Variants in MFAP5 observed in about 807,000 individuals in gnomAD.
MFAP5 encodes the protein microfibrillar-associated protein 5.
A neutral mutation model predicts 30.1 loss-of-function variants in MFAP5; 19 were observed. The observed-to-expected ratio is 0.63, with a 90% CI of 0.44 to 0.93. The LOEUF (loss-of-function observed/expected upper bound fraction) is 0.93, where lower values mean the gene tolerates loss of function less well. Among genes scored for constraint, MFAP5 ranks in the 40% least tolerant of loss-of-function variants. MFAP5 has a pLI of 0.00. For synonymous variants in MFAP5, 92 were observed against 72.9 expected (o/e 1.26, Z -1.33); for missense variants, 210 against 221.3 (o/e 0.95, Z 0.32).
At chr12:8,659,554 A>G (rs1345767765) in intron 3 of MFAP5, among the ~76,000 whole-genome samples, 2 of 152,182 alleles carry the variant, frequency 1.3e-5, no homozygotes, top group Admixed American at 6.5e-5. Flanking sequence ...TTTTGCTGGT[A>G]CTAAAATCTC....
At chr12:8,656,224 C>G (rs11046594) in intron 3 of MFAP5, among the ~76,000 whole-genome samples, 11 of 151,706 alleles carry the variant, frequency 7.3e-5, no homozygotes, top group Non-Finnish European at 1.0e-4. Context: ...CAGCGCCCGG[C>G]TAATTTTTTG....
intron 6 of MFAP5, among the ~76,000 whole-genome samples, chr12:8,652,640 T>C (rs1203106200): frequency 6.6e-6 from 1 of 152,182 alleles, no homozygotes; most frequent in African/African-American, 2.4e-5. Context: ...ACCTGTGTTA[T>C]GAGATCTCAT....
intron 8 of MFAP5, 107 bp downstream of exon 8, chr12:8,650,395 T>G (rs1005895662): frequency 2.0e-6 from 2 of 1,025,000 alleles, no homozygotes; most frequent in Non-Finnish European, 3.0e-6. Flanking sequence ...GCTAAAAACT[T>G]TGGCCCCATC....
Position 8,662,095 on chromosome 12 carries a change from A to C in MFAP5, c.10T>G (p.Leu4Val). 1 of 1,613,716 alleles carries C rather than the reference A, an allele frequency of 6.2e-7. No individual in the cohort carries two copies. Among genetic ancestry groups the C allele is most frequent in the Non-Finnish European group, 8.5e-7 (1 of 1,180,002 alleles). Residue 4 changes from leucine (L) to valine (V), a missense_variant, in exon 2 of 10, where the codon TTG becomes GTG. Leu to Val is a conservative substitution (Grantham distance 32, BLOSUM62 1). Coordinates refer to ENST00000359478, the MANE Select transcript of MFAP5 (RefSeq NM_003480.4). Reference sequence around the variant, plus strand: ...AGAAACAGCAGCACCTTGGGTCCCAAGAGCGACATATCTATAGGGGTGGTG... The same window carrying C: ...AGAAACAGCAGCACCTTGGGTCCCACGAGCGACATATCTATAGGGGTGGTG... The part of the protein sequence containing the change: MSL[L>V]GPKVLLFLAA...
intron 3 of MFAP5, among the ~76,000 whole-genome samples, chr12:8,656,573 A>AACATATATAT (rs1248213357): frequency 3.1e-5 from 4 of 128,548 alleles, no homozygotes; most frequent in African/African-American, 1.3e-4. Context: ...ATGCCTGGCT[A>AACATATATAT]ATATATATAT....
intron 6 of MFAP5, among the ~76,000 whole-genome samples, chr12:8,653,907 C>G (rs1054571585): frequency 2.0e-5 from 3 of 152,062 alleles, no homozygotes; most frequent in Admixed American, 6.5e-5. Context: ...GGTGGATCAC[C>G]TGAGGTCAAG....
chr12:8,651,673 T>A lies in MFAP5; in HGVS notation c.236A>T (p.Asn79Ile), dbSNP rs139330366. 1,155 of 1,613,516 alleles carry A rather than the reference T, an allele frequency of 7.2e-4. 4 individuals are homozygous for A. The highest frequency in any genetic ancestry group is 8.8e-4 in the Non-Finnish European group (1,038 of 1,179,558). Residue 79 changes from asparagine (N) to isoleucine (I), a missense_variant, in exon 7 of 10, where the codon AAT (asparagine) becomes ATT (isoleucine). Coordinates refer to ENST00000359478, the MANE Select transcript of MFAP5 (RefSeq NM_003480.4). ...TDDLASLSEK[N>I]TTAECWDEKF... The stretch of plus-strand genomic sequence containing the variant: ...AGCAACAATCATACCTGCAGTGGTA[T>A]TTTTTTCACTGAGGGAGGCTGAAAG...
chr12:8,654,225 T>G (rs1941920292), intron 6 of MFAP5: 2 of 475,866 alleles, frequency 4.2e-6, no homozygotes, highest in East Asian at 6.5e-5. Flanking sequence ...ACCCATCAAG[T>G]CTTGAAACTT....
intron 7 of MFAP5, among the ~76,000 whole-genome samples, chr12:8,651,440 T>A (rs1476257828): frequency 2.0e-5 from 3 of 152,176 alleles, no homozygotes; most frequent in African/African-American, 7.2e-5. Flanking sequence ...AGAGGGCTAT[T>A]TGGGGACCAT....
rs11359613 is a variant in MFAP5 at position 8,656,059 on chromosome 12, C to CTTTTTT, written c.95-235_95-230dup. Among the ~76,000 whole-genome samples, 35 of 113,852 alleles carry CTTTTTT rather than the reference C, an allele frequency of 3.1e-4. 1 individual carries two copies. The highest frequency in any genetic ancestry group is 1.1e-3 in the African/African-American group (33 of 30,096). The allele number at this position is 113,852 out of a possible 152,430, so 74.7% of individuals were successfully genotyped here. On this transcript the variant is annotated intron_variant, in intron 3 of 9. Coordinates refer to ENST00000359478, the MANE Select transcript of MFAP5 (RefSeq NM_003480.4). ...CATTGTGATTTTGACATTCATAATTCTTTTTTTTTTTTTTTTTTTGAGACG... is the reference window on the plus strand; with the variant it reads ...CATTGTGATTTTGACATTCATAATTCTTTTTTTTTTTTTTTTTTTTTTTTTGAGACG...
intron 3 of MFAP5, 110 bp downstream of exon 3, chr12:8,660,749 CTTTT>C (rs35362262): frequency 1.7e-3 from 1,072 of 646,292 alleles, no homozygotes; most frequent in South Asian, 3.2e-3. Flanking sequence ...AGGAAATATT[CTTTT>C]TTTTTTTTTT....
At chr12:8,651,607 A>G (rs367986816) in intron 7 of MFAP5, 55 bp downstream of exon 7, 9 of 1,560,652 alleles carry the variant, frequency 5.8e-6, no homozygotes, top group African/African-American at 2.7e-5. Context: ...CAAGGAGGTA[A>G]GGAATCCACA....
intron 6 of MFAP5, among the ~76,000 whole-genome samples, chr12:8,652,445 AAAATAAATAAATAAAT>A (rs56176308): frequency 2.0e-5 from 3 of 147,550 alleles, no homozygotes; most frequent in Non-Finnish European, 3.0e-5. Context: ...ACTCCATCTC[AAAATAAATAAATAAAT>A]AAATAAATAA....
chr12:8,650,405 C>T, intron 8 of MFAP5, 97 bp downstream of exon 8: 1 of 1,241,352 alleles, frequency 8.1e-7, no homozygotes. Context: ...TTGGCCCCAT[C>T]AAAGTTTGCA....
chr12:8,652,916 G>C (rs1323165869), intron 6 of MFAP5, among the ~76,000 whole-genome samples: 1 of 152,076 alleles, frequency 6.6e-6, no homozygotes, highest in African/African-American at 2.4e-5. Flanking sequence ...ATGGCTGGGC[G>C]TGGTGGCTCA....
At chr12:8,650,443 T>C in intron 8 of MFAP5, 59 bp downstream of exon 8, 1 of 1,541,196 alleles carries the variant, frequency 6.5e-7, no homozygotes, top group East Asian at 2.3e-5. Flanking sequence ...CATTAAATAG[T>C]TATCAACACA....
chr12:8,660,431 C>G (rs1000905986), intron 3 of MFAP5, among the ~76,000 whole-genome samples: 1 of 152,016 alleles, frequency 6.6e-6, no homozygotes, highest in African/African-American at 2.4e-5. Flanking sequence ...AAGCGATCCT[C>G]CTGCCTCAGC....
Position 8,646,127 on chromosome 12 carries a change from G to A in MFAP5, c.*1964C>T, listed in dbSNP as rs1425854326. On this transcript the variant is annotated 3_prime_UTR_variant, in exon 10 of 10. Transcript: ENST00000359478. ...TTAATCTTGGAAACTCTGTGCCTAT[G>A]AGGTTTCTCTAAAGTGGCTAAAATA... 1.3e-5 allele frequency: 2 copies of A among 152,636 alleles called. No individual in the cohort carries two copies. Among genetic ancestry groups the A allele is most frequent in the African/African-American group, 4.8e-5 (2 of 41,450 alleles). 9.5% of individuals were successfully genotyped at this position (152,636 alleles called of 1,614,324 possible).
chr12:8,648,613 G>A (rs958911790), intron 9 of MFAP5: 1 of 1,008,118 alleles, frequency 9.9e-7, no homozygotes, highest in Non-Finnish European at 1.4e-6. Flanking sequence ...GCTTACTATG[G>A]GCAAACAGCT....
Sources: allele counts gnomAD v4.1 joint callset (sites outside exome capture counted in the v4.1 genomes callset), GRCh38; gene constraint gnomAD v4.1.1; transcripts MANE v1.5; gene names NCBI Gene and HGNC (gene_info 2026-07-23, HGNC 2026-07-21).